JMJD1C: variants seen among roughly 807,000 people sequenced by gnomAD.
JMJD1C encodes the protein jumonji domain-containing protein 1C.
In JMJD1C, 31 loss-of-function variants were observed where a neutral mutation model predicts 245.3. The observed-to-expected ratio is 0.13, with a 90% CI of 0.09 to 0.17. The LOEUF is 0.17. JMJD1C is among the 10% of genes least tolerant of loss of function. JMJD1C has a pLI of 1.00. For missense variants in JMJD1C, 2,691 were observed against 3,000.2 expected, an observed-to-expected ratio of 0.90 and a Z score of 2.41; for synonymous variants, 1,057 against 1,017.4, an observed-to-expected ratio of 1.04 and a Z score of -0.74.
At position 63,206,805 on chromosome 10, in the gene JMJD1C, A is replaced by G; in HGVS notation, c.4864T>C (p.Tyr1622His). Residue 1622 changes from tyrosine (Y) to histidine (H), a missense_variant, in exon 10 of 26, where the codon TAT becomes CAT. Physicochemically the swap from Tyr to His is moderately conservative, Grantham distance 83. Around this residue, in one of 9 missense-constraint regions of JMJD1C, gnomAD observed 144 missense variants for 143.3 expected, o/e 1.00. Coordinates refer to ENST00000399262, the MANE Select transcript of JMJD1C (RefSeq NM_032776.3). The part of the protein sequence containing the change: ...KVNRRKAKRT[Y>H]ESGSESGDSD... ...TCTCCACTTTCAGAGCCAGATTCATAAGTTCTTTTGGCTTTTCTCCTGTTG... is the reference window on the plus strand; with the variant it reads ...TCTCCACTTTCAGAGCCAGATTCATGAGTTCTTTTGGCTTTTCTCCTGTTG... 6.2e-7 allele frequency: 1 copy of G among 1,603,288 alleles called. No individual in the cohort carries two copies. The highest frequency in any genetic ancestry group is 8.5e-7 in the Non-Finnish European group (1 of 1,177,062).
chr10:63,440,857 A>G (rs371578335), intron 1 of JMJD1C, among the ~76,000 whole-genome samples: 3 of 152,210 alleles, frequency 2.0e-5, no homozygotes, highest in South Asian at 2.1e-4. Flanking sequence ...CTCAATTCAT[A>G]TAACAACCCT....
chr10:63,444,783 G>A (rs751240583), intron 1 of JMJD1C, among the ~76,000 whole-genome samples: 10 of 152,098 alleles, frequency 6.6e-5, no homozygotes, highest in South Asian at 6.2e-4. Flanking sequence ...CCACCACCAC[G>A]CCCAGCTAAT....
chr10:63,228,365 A>T (rs775636116), intron 3 of JMJD1C, among the ~76,000 whole-genome samples: 1 of 152,100 alleles, frequency 6.6e-6, no homozygotes, highest in Non-Finnish European at 1.5e-5. Flanking sequence ...TAAAAATCTA[A>T]AAGTAACTGG....
intron 3 of JMJD1C, among the ~76,000 whole-genome samples, chr10:63,235,687 A>G (rs1850651167): frequency 6.6e-6 from 1 of 152,200 alleles, no homozygotes. Context: ...TAATCCTAAC[A>G]ATACCTCTGC....
intron 1 of JMJD1C, among the ~76,000 whole-genome samples, chr10:63,445,227 T>C (rs1190059918): frequency 6.6e-6 from 1 of 152,164 alleles, no homozygotes; most frequent in East Asian, 1.9e-4. Context: ...CTTTAAATGA[T>C]TTTTATTTTA....
chr10:63,268,516 C>A (rs1456019945), intron 2 of JMJD1C: 1 of 167,876 alleles, frequency 6.0e-6, no homozygotes, highest in Non-Finnish European at 1.2e-5. Context: ...CCTTTTTAAA[C>A]AAATGAAAGT....
At chr10:63,437,403 C>T (rs1951117870) in intron 1 of JMJD1C, among the ~76,000 whole-genome samples, 1 of 152,186 alleles carries the variant, frequency 6.6e-6, no homozygotes, top group African/African-American at 2.4e-5. Flanking sequence ...TACCTAGCTA[C>T]CTACAGCTAT....
intron 1 of JMJD1C, among the ~76,000 whole-genome samples, chr10:63,442,145 G>A (rs1951425776): frequency 6.6e-6 from 1 of 152,154 alleles, no homozygotes; most frequent in Non-Finnish European, 1.5e-5. Context: ...AAAGATTCAG[G>A]AAGACTGATC....
At chr10:63,216,384 T>C (rs918129421) in intron 5 of JMJD1C, among the ~76,000 whole-genome samples, 1 of 151,302 alleles carries the variant, frequency 6.6e-6, no homozygotes, top group Non-Finnish European at 1.5e-5. Flanking sequence ...AAAAAAAAAA[T>C]TTGAAATCTC....
chr10:63,199,771 T>C (rs1209571422), intron 11 of JMJD1C, among the ~76,000 whole-genome samples: 2 of 152,152 alleles, frequency 1.3e-5, no homozygotes, highest in African/African-American at 2.4e-5. Flanking sequence ...ACACGTATTT[T>C]TGGAGGTCTA....
intron 1 of JMJD1C, among the ~76,000 whole-genome samples, chr10:63,451,820 C>G (rs999231150): frequency 6.6e-6 from 1 of 151,958 alleles, no homozygotes; most frequent in Non-Finnish European, 1.5e-5. Context: ...GAAAAAGGTG[C>G]CAAAACTATT....
chr10:63,264,632 G>A lies in JMJD1C; in HGVS notation c.447+19C>T. 9.4e-7 allele frequency: 1 copy of A among 1,059,136 alleles called. No homozygotes were observed. The highest frequency in any genetic ancestry group is 1.4e-6 in the Non-Finnish European group (1 of 715,398). 65.6% of individuals were successfully genotyped at this position (1,059,136 alleles called of 1,614,324 possible). On this transcript the variant is annotated intron_variant, in intron 3 of 25. Coordinates refer to ENST00000399262, the MANE Select transcript of JMJD1C (RefSeq NM_032776.3). Reference sequence around the variant, plus strand: ...TTTAATTAACCTTTAATTTTAAAAAGTAATCTAAAATTTCTTACCTGGTAG... The same window carrying A: ...TTTAATTAACCTTTAATTTTAAAAAATAATCTAAAATTTCTTACCTGGTAG...
At chr10:63,180,006 C>CT (rs1186459654) in intron 22 of JMJD1C, among the ~76,000 whole-genome samples, 1 of 150,962 alleles carries the variant, frequency 6.6e-6, no homozygotes, top group African/African-American at 2.4e-5. Flanking sequence ...TTCTTTTTTT[C>CT]TTTTATTTTT....
At chr10:63,497,844 AC>A (rs1356760513) in intron 1 of JMJD1C, among the ~76,000 whole-genome samples, 3 of 152,230 alleles carry the variant, frequency 2.0e-5, no homozygotes, top group African/African-American at 7.2e-5. Context: ...TTTAGAGAAA[AC>A]ATCAGAATAA....
chr10:63,401,188 G>A (rs1034402972), intron 1 of JMJD1C, among the ~76,000 whole-genome samples: 2 of 152,054 alleles, frequency 1.3e-5, no homozygotes, highest in African/African-American at 4.8e-5. Context: ...AGAACTTCAG[G>A]TCAATTTTTT....
chr10:63,190,153 A>C (rs1280064873), intron 17 of JMJD1C, among the ~76,000 whole-genome samples: 1 of 151,526 alleles, frequency 6.6e-6, no homozygotes, highest in Non-Finnish European at 1.5e-5. Context: ...TGCCCACGTC[A>C]GCCTCCCAAA....
chr10:63,358,112 T>C (rs1945017811), intron 2 of JMJD1C, among the ~76,000 whole-genome samples: 3 of 152,046 alleles, frequency 2.0e-5, no homozygotes, highest in Admixed American at 2.0e-4. Flanking sequence ...TAATTCCAAG[T>C]ATAACAAAAG....
At chr10:63,331,997 G>C (rs1043260019) in intron 2 of JMJD1C, among the ~76,000 whole-genome samples, 2 of 152,108 alleles carry the variant, frequency 1.3e-5, no homozygotes, top group African/African-American at 4.8e-5. Context: ...TACATGCTCA[G>C]AAAGTAACTG....
chr10:63,242,280 C>T (rs1362268467), intron 3 of JMJD1C, among the ~76,000 whole-genome samples: 1 of 152,180 alleles, frequency 6.6e-6, no homozygotes, highest in Non-Finnish European at 1.5e-5. Flanking sequence ...TATATACATG[C>T]ACTGTCCCAC....
Sources: gnomAD v4.1 joint callset for allele counts (sites outside exome capture counted in the v4.1 genomes callset) on GRCh38, gnomAD v4.1.1 for gene constraint, gnomAD v4.1.1 regional missense constraint, MANE v1.5 for transcripts, NCBI Gene and HGNC (gene_info 2026-07-23, HGNC 2026-07-21) for gene names.